Variants in SDK1 observed in about 807,000 individuals in gnomAD.
SDK1 encodes protein sidekick-1.
In SDK1, 157 loss-of-function variants were observed where a neutral mutation model predicts 245.5. The ratio of observed to expected loss-of-function variants is 0.64; its 90% CI spans 0.56 to 0.73. The LOEUF (loss-of-function observed/expected upper bound fraction) is 0.73, where lower values mean the gene tolerates loss of function less well. Ranked by LOEUF, SDK1 falls within the 30% of genes least tolerant of loss-of-function variation. SDK1 has a pLI of 0.00. For missense variants in SDK1, 3,583 were observed against 3,002.3 expected, an observed-to-expected ratio of 1.19 and a Z score of -4.52; for synonymous variants, 1,647 against 1,278.5, an observed-to-expected ratio of 1.29 and a Z score of -6.15.
intron 1 of SDK1, among the ~76,000 whole-genome samples, chr7:3,342,709 C>T (rs1260058372): frequency 6.6e-6 from 1 of 152,088 alleles, no homozygotes; most frequent in African/African-American, 2.4e-5. Flanking sequence ...CAGTTAAAGA[C>T]TTTTTCTCCA....
At chr7:3,667,808 A>G (rs1783581122) in intron 4 of SDK1, among the ~76,000 whole-genome samples, 1 of 152,156 alleles carries the variant, frequency 6.6e-6, no homozygotes, top group Non-Finnish European at 1.5e-5. Flanking sequence ...GTAGTATTTT[A>G]TTGTGTGCAT....
At chr7:4,228,289 C>T (rs539550183) in intron 40 of SDK1, among the ~76,000 whole-genome samples, 61 of 149,446 alleles carry the variant, frequency 4.1e-4, no homozygotes, top group African/African-American at 1.5e-3. Flanking sequence ...GGTGCTCTTT[C>T]GGGCAGCCAG....
At position 3,744,827 on chromosome 7, in the gene SDK1, CAA is replaced by C. The variant is rs912254384; in HGVS notation, c.714-76615_714-76614del. 2.2e-4 allele frequency among the ~76,000 whole-genome samples: 32 copies of C among 146,436 alleles called. 1 individual carries two copies. The highest frequency in any genetic ancestry group is 3.6e-4 in the Non-Finnish European group (24 of 66,004). On this transcript the variant is annotated intron_variant, in intron 4 of 44. Coordinates refer to ENST00000404826, the MANE Select transcript of SDK1 (RefSeq NM_152744.4). ...ACTCCATCTCAAAAAAACAAACAAA[CAA>C]AAAAAAACAAAAAGAAAAAGAAAAA...
In SDK1 at chr7:3,319,878, CTT is replaced by C. The variant is rs57770805; in HGVS notation, c.298+18010_298+18011del. ...TGCCTATATCTAACCCATTCTTAGTCTTTTTTTTTTTTTTTTTGCATTTGCTT... is the reference window on the plus strand; with the variant it reads ...TGCCTATATCTAACCCATTCTTAGTCTTTTTTTTTTTTTTTGCATTTGCTT... On this transcript the variant is annotated intron_variant, in intron 1 of 44. Coordinates refer to ENST00000404826, the MANE Select transcript of SDK1 (RefSeq NM_152744.4). 9.5e-4 allele frequency among the ~76,000 whole-genome samples: 84 copies of C among 88,108 alleles called. 2 individuals carry two copies. Among genetic ancestry groups the C allele is most frequent in the African/African-American group, 2.6e-3 (56 of 21,750 alleles). The allele number at this position is 88,108 out of a possible 152,430, so 57.8% of individuals were successfully genotyped here.
chr7:3,457,502 T>C (rs1158821217), intron 1 of SDK1, among the ~76,000 whole-genome samples: 1 of 152,224 alleles, frequency 6.6e-6, no homozygotes, highest in Non-Finnish European at 1.5e-5. Context: ...CTTATGACTA[T>C]TAATTATTGG....
Position 3,960,450 on chromosome 7 carries a change from A to G in SDK1, c.1234+1436A>G, listed in dbSNP as rs535833039. Among the ~76,000 whole-genome samples, 13 of 152,344 alleles carry G rather than the reference A, an allele frequency of 8.5e-5. No homozygotes were observed. In the Middle Eastern group the frequency reaches 0.014, roughly 159 times the overall value. ...CAAATGCCATTTGTCCATACCTGCAACTGTGTGGATGCCATTTCTTATTCC... is the reference window on the plus strand; with the variant it reads ...CAAATGCCATTTGTCCATACCTGCAGCTGTGTGGATGCCATTTCTTATTCC... On this transcript the variant is annotated intron_variant, in intron 8 of 44. Transcript: ENST00000404826.
chr7:3,773,910 G>A (rs191859249), intron 4 of SDK1, among the ~76,000 whole-genome samples: 167 of 152,224 alleles, frequency 1.1e-3, no homozygotes, highest in African/African-American at 2.8e-3. Context: ...GAAAAATTAG[G>A]GGATAAAAGA....
At chr7:4,162,235 G>A (rs1199373652) in intron 32 of SDK1, among the ~76,000 whole-genome samples, 2 of 152,048 alleles carry the variant, frequency 1.3e-5, no homozygotes, top group Admixed American at 1.3e-4. Flanking sequence ...GCCCTACAAG[G>A]CAGTAAAACT....
At chr7:3,543,296 C>T (rs1480556248) in intron 1 of SDK1, among the ~76,000 whole-genome samples, 1 of 152,238 alleles carries the variant, frequency 6.6e-6, no homozygotes, top group African/African-American at 2.4e-5. Context: ...TCTTGGCTTC[C>T]TGTTATACTC....
At chr7:3,739,946 C>A (rs879633793) in intron 4 of SDK1, among the ~76,000 whole-genome samples, 1 of 152,176 alleles carries the variant, frequency 6.6e-6, no homozygotes, top group Admixed American at 6.5e-5. Context: ...TGTTAAGTGA[C>A]CTTCTTAAGA....
chr7:3,636,172 T>A (rs1043705409), intron 2 of SDK1, among the ~76,000 whole-genome samples: 2 of 152,204 alleles, frequency 1.3e-5, no homozygotes, highest in Admixed American at 6.5e-5. Context: ...AATCTCTCCA[T>A]CACCTCCAGA....
At chr7:4,130,405 G>A (rs145238079) in intron 27 of SDK1, 8,434 of 367,464 alleles carry the variant, frequency 0.023, 159 homozygotes, top group Non-Finnish European at 0.029. Context: ...AGCTGTGGAC[G>A]CTCCTCTTGG....
At position 3,818,158 on chromosome 7, in the gene SDK1, A is replaced by G. The variant is rs183065387; in HGVS notation, c.714-3292A>G. 1.8e-3 allele frequency among the ~76,000 whole-genome samples: 270 copies of G among 152,330 alleles called. 1 individual carries two copies. Among genetic ancestry groups the G allele is most frequent in the Middle Eastern group, 0.01 (3 of 294 alleles). ...AGGTTTCATTTTTAAATGTACAAAGATGGGGGAAGACTAAGGAAGTAATTT... is the reference window on the plus strand; with the variant it reads ...AGGTTTCATTTTTAAATGTACAAAGGTGGGGGAAGACTAAGGAAGTAATTT... On this transcript the variant is annotated intron_variant, in intron 4 of 44. Coordinates refer to ENST00000404826, the MANE Select transcript of SDK1 (RefSeq NM_152744.4).
chr7:3,909,159 A>G (rs1583547705), intron 5 of SDK1, among the ~76,000 whole-genome samples: 1 of 152,230 alleles, frequency 6.6e-6, no homozygotes, highest in African/African-American at 2.4e-5. Context: ...AGAAGGGTCC[A>G]AGGCAGACCA....
intron 19 of SDK1, among the ~76,000 whole-genome samples, chr7:4,061,003 C>G (rs968683570): frequency 1.3e-4 from 20 of 152,128 alleles, no homozygotes; most frequent in Admixed American, 9.8e-4. Flanking sequence ...TGATCTATAT[C>G]TCTGTTTTGG....
chr7:4,074,912 ATATATTTTTTTT>A (rs1438052097), intron 20 of SDK1, among the ~76,000 whole-genome samples: 10 of 76,574 alleles, frequency 1.3e-4, no homozygotes, highest in African/African-American at 1.0e-3. Flanking sequence ...ATATATATAT[ATATATTTTTTTT>A]TTTTTTTAAT....
chr7:3,673,406 G>C (rs1783782305), intron 4 of SDK1, among the ~76,000 whole-genome samples: 1 of 152,096 alleles, frequency 6.6e-6, no homozygotes, highest in East Asian at 1.9e-4. Context: ...GGTTTTTGTT[G>C]ACTGGCTCTT....
chr7:3,305,208 A>G (rs1056875660), intron 1 of SDK1, among the ~76,000 whole-genome samples: 8 of 152,240 alleles, frequency 5.3e-5, no homozygotes, highest in Non-Finnish European at 8.8e-5. Context: ...CCTGAGGTGT[A>G]CATCGGAATC....
At chr7:3,498,510 A>G (rs1226894118) in intron 1 of SDK1, among the ~76,000 whole-genome samples, 3 of 152,170 alleles carry the variant, frequency 2.0e-5, no homozygotes, top group East Asian at 1.9e-4. Flanking sequence ...ATTGCCTAGT[A>G]TATTGTGGGT....
Sources: allele counts gnomAD v4.1 joint callset (sites outside exome capture counted in the v4.1 genomes callset), GRCh38; gene constraint gnomAD v4.1.1; transcripts MANE v1.5; gene names NCBI Gene and HGNC (gene_info 2026-07-23, HGNC 2026-07-21).